The following ATP11C variants were observed in gnomAD, a reference collection of about 807,000 sequenced individuals.
ATP11C encodes phospholipid-transporting ATPase IG.
ATP11C carries 36 observed loss-of-function variants against 97.4 expected under a neutral mutation model. That is an observed-to-expected ratio of 0.37 (90% CI 0.28 to 0.49). The LOEUF (loss-of-function observed/expected upper bound fraction) is 0.49. ATP11C is among the 20% of genes least tolerant of loss of function. ATP11C has a pLI of 0.98. For missense variants in ATP11C, 730 were observed against 824.6 expected, an observed-to-expected ratio of 0.89 and a Z score of 1.40; for synonymous variants, 275 against 290.9, an observed-to-expected ratio of 0.95 and a Z score of 0.56.
intron 1 of ATP11C, chrX:139,832,082 G>A: frequency 9.7e-7 from 1 of 1,029,471 alleles, no homozygotes; most frequent in South Asian, 2.3e-5. Context: ...TAAAAAGCAG[G>A]AATAAAGCAG....
At chrX:139,904,828 G>A (rs1004379310) in intron 1 of ATP11C, among the ~76,000 whole-genome samples, 2 of 111,754 alleles carry the variant, frequency 1.8e-5, no homozygotes, top group African/African-American at 6.5e-5. Flanking sequence ...CAGTAGGAGG[G>A]TAGATCCCTC....
At chrX:139,905,289 A>G (rs969033308) in intron 1 of ATP11C, among the ~76,000 whole-genome samples, 10 of 112,249 alleles carry the variant, frequency 8.9e-5, no homozygotes, top group Non-Finnish European at 1.7e-4. Flanking sequence ...CCCTTTTCCA[A>G]GAATGGAAAA....
At chrX:139,887,622 G>A (rs1180186943) in intron 1 of ATP11C, among the ~76,000 whole-genome samples, 1 of 109,208 alleles carries the variant, frequency 9.2e-6, no homozygotes, top group African/African-American at 3.3e-5. Flanking sequence ...GGCCCTGTCT[G>A]AAAAAAACAG....
intron 26 of ATP11C, among the ~76,000 whole-genome samples, chrX:139,742,864 T>TTA (rs2081586615): frequency 5.0e-5 from 1 of 20,130 alleles, no homozygotes; most frequent in Non-Finnish European, 8.4e-5. Context: ...ATTTTTAAAT[T>TTA]AAAAAAAAAA....
intron 1 of ATP11C, among the ~76,000 whole-genome samples, chrX:139,837,462 TCTC>T (rs1328649142): frequency 2.7e-5 from 3 of 111,913 alleles, no homozygotes; most frequent in Non-Finnish European, 5.6e-5. Flanking sequence ...AAGACTCAAT[TCTC>T]CTGACTGCAA....
intron 1 of ATP11C, 80 bp from the exon 2 acceptor site, chrX:139,826,903 A>G: frequency 9.6e-7 from 1 of 1,044,897 alleles, no homozygotes; most frequent in Non-Finnish European, 1.3e-6. Flanking sequence ...TTCTTGTCCA[A>G]GCATGCTGGG....
At chrX:139,821,012 C>G (rs530078829) in intron 2 of ATP11C, among the ~76,000 whole-genome samples, 4 of 111,021 alleles carry the variant, frequency 3.6e-5, no homozygotes, top group African/African-American at 1.3e-4. Flanking sequence ...GAGAACATAA[C>G]CTTTAATAAG....
chrX:139,774,211 C>T (rs2082306476), intron 19 of ATP11C, among the ~76,000 whole-genome samples: 1 of 111,764 alleles, frequency 8.9e-6, no homozygotes, highest in Non-Finnish European at 1.9e-5. Flanking sequence ...AGAGTCAAAG[C>T]GGCCATGTCC....
At chrX:139,879,718 A>T (rs1467650290) in intron 1 of ATP11C, among the ~76,000 whole-genome samples, 1 of 112,295 alleles carries the variant, frequency 8.9e-6, no homozygotes, top group African/African-American at 3.2e-5. Flanking sequence ...TAAATATTTT[A>T]AAATAATTTT....
chrX:139,739,127 A>G (rs1253312144), intron 27 of ATP11C, among the ~76,000 whole-genome samples: 1 of 110,667 alleles, frequency 9.0e-6, no homozygotes, highest in Non-Finnish European at 1.9e-5. Flanking sequence ...CCACATGGAA[A>G]AGACTTCTGC....
chrX:139,798,840 T>C, intron 8 of ATP11C, 97 bp from the exon 9 acceptor site: 1 of 593,647 alleles, frequency 1.7e-6, no homozygotes, highest in Non-Finnish European at 2.8e-6. Context: ...CTCCAAGGGG[T>C]TCAGAATGTT....
rs753835470 is a variant in ATP11C at position 139,782,995 on chromosome X, A to C, written c.1770+169T>G. Among the ~76,000 whole-genome samples, 42 of 112,279 alleles carry C rather than the reference A, an allele frequency of 3.7e-4. No homozygotes were observed. The highest frequency in any genetic ancestry group is 6.0e-4 in the Non-Finnish European group (32 of 53,343). On this transcript the variant is annotated intron_variant, in intron 17 of 29. Coordinates refer to ENST00000682941, the MANE Select transcript of ATP11C (RefSeq NM_001353812.2). Reference sequence around the variant, plus strand: ...GAAACTTGCTCCAGGAAAATGTTTTATATTAAGATAAAAAAAAGTAATATT... The same window carrying C: ...GAAACTTGCTCCAGGAAAATGTTTTCTATTAAGATAAAAAAAAGTAATATT...
At chrX:139,869,941 G>A (rs1283054646) in intron 1 of ATP11C, among the ~76,000 whole-genome samples, 1 of 106,771 alleles carries the variant, frequency 9.4e-6, no homozygotes, top group African/African-American at 3.4e-5. Context: ...ATACCATTTG[G>A]TCTTAAAAAA....
chrX:139,792,742 T>C (rs1038079378), intron 12 of ATP11C, among the ~76,000 whole-genome samples: 1 of 111,752 alleles, frequency 8.9e-6, no homozygotes, highest in African/African-American at 3.3e-5. Flanking sequence ...ATAACTAACA[T>C]GTAGGGGTTC....
rs747012795 is a variant in ATP11C at position 139,884,791 on chromosome X, TAA to T, written c.27+47223_27+47224del. On this transcript the variant is annotated intron_variant, in intron 1 of 29. Coordinates refer to ENST00000682941, the MANE Select transcript of ATP11C (RefSeq NM_001353812.2). ...AAACAAACAACTATAGAAATCATTCTAAGTCTCCTTTGCCATCTTCTAAAACC... is the reference window on the plus strand; with the variant it reads ...AAACAAACAACTATAGAAATCATTCTGTCTCCTTTGCCATCTTCTAAAACC... Among the ~76,000 whole-genome samples the T allele has an allele frequency of 2.0e-3, 224 of 112,446 alleles. 1 individual carries two copies. Among genetic ancestry groups the T allele is most frequent in the African/African-American group, 7.0e-3 (218 of 30,968 alleles).
intron 1 of ATP11C, among the ~76,000 whole-genome samples, chrX:139,893,652 T>C (rs950450604): frequency 2.0e-4 from 22 of 110,388 alleles, no homozygotes; most frequent in African/African-American, 6.9e-4. Flanking sequence ...TTAGATGGTC[T>C]TAAGGGGTTT....
At chrX:139,783,443 T>A (rs2082506327) in intron 16 of ATP11C, among the ~76,000 whole-genome samples, 176 bp from the exon 17 acceptor site, 2 of 112,313 alleles carry the variant, frequency 1.8e-5, no homozygotes, top group South Asian at 7.4e-4. Context: ...CAGAAAGGCA[T>A]GTACCACCTC....
intron 12 of ATP11C, among the ~76,000 whole-genome samples, chrX:139,789,991 C>T (rs1413060952): frequency 9.2e-6 from 1 of 108,592 alleles, no homozygotes; most frequent in African/African-American, 3.4e-5. Flanking sequence ...GATCACATCA[C>T]TATACTCCAA....
chrX:139,772,220 T>C (rs1352615411), intron 19 of ATP11C, among the ~76,000 whole-genome samples: 1 of 112,570 alleles, frequency 8.9e-6, no homozygotes, highest in Non-Finnish European at 1.9e-5. Flanking sequence ...CCACATGGCA[T>C]TGAGCCTGAG....
Sources: allele counts gnomAD v4.1 joint callset (sites outside exome capture counted in the v4.1 genomes callset), GRCh38; gene constraint gnomAD v4.1.1; transcripts MANE v1.5; gene names NCBI Gene and HGNC (gene_info 2026-07-23, HGNC 2026-07-21).